TBX6: variants seen among roughly 807,000 people sequenced by gnomAD.
The protein encoded by TBX6 is T-box transcription factor TBX6.
Under a neutral mutation model 42.3 loss-of-function variants are expected in TBX6, and 29 were observed. That is an observed-to-expected ratio of 0.69 (90% confidence interval 0.51 to 0.93). The LOEUF (loss-of-function observed/expected upper bound fraction) is 0.93. Ranked by LOEUF, TBX6 falls within the 40% of genes least tolerant of loss-of-function variation. TBX6 has a pLI of 0.00. For missense variants in TBX6, 569 were observed against 603.3 expected (o/e 0.94, Z 0.59); for synonymous variants, 249 against 245.1 (o/e 1.02, Z -0.15).
Position 30,086,758 on chromosome 16 carries a change from G to GC in TBX6, c.913+19dup. The stretch of plus-strand genomic sequence containing the variant: ...TCCCTGTCTCAGGCCTGGCCCCATC[G>GC]CCATCGGGACTACACTCACCTCCGC... On this transcript the variant is annotated intron_variant, in intron 7 of 8. Transcript: ENST00000395224. This position sits in a 1 kb window ranked among gnomAD's most constrained non-coding sequence, Gnocchi z 4.6. 2 of 1,613,714 alleles carry GC rather than the reference G, an allele frequency of 1.2e-6. No homozygotes were observed. Among genetic ancestry groups the GC allele is most frequent in the African/African-American group, 2.7e-5 (2 of 74,968 alleles).
rs764981636 is a variant in TBX6 at position 30,088,986 on chromosome 16, T to C, written c.578A>G (p.His193Arg). 3.1e-6 allele frequency: 5 copies of C among 1,613,160 alleles called. No homozygotes were observed. Among genetic ancestry groups the C allele is most frequent in the Non-Finnish European group, 4.2e-6 (5 of 1,179,436 alleles). ...CGTGCTGTTGGTGAGCTTGACACGA[T>C]GGAAAGACACAGGCTGCCGCATCCA... ...AHWMRQPVSF[H>R]RVKLTNSTLD... Residue 193 changes from histidine to arginine, a missense_variant, in exon 4 of 9, where the codon CAT (histidine) becomes CGT (arginine). Coordinates refer to ENST00000395224, the MANE Select transcript of TBX6 (RefSeq NM_004608.4). The surrounding 1 kb of genome is among the most constrained non-coding windows in gnomAD (Gnocchi z 4.1).
rs1316583695 is a variant in TBX6 at position 30,086,096 on chromosome 16, G to C, written c.*129C>G. 2.3e-6 allele frequency: 2 copies of C among 859,630 alleles called. No individual in the cohort carries two copies. The highest frequency in any genetic ancestry group is 1.8e-6 in the Non-Finnish European group (1 of 556,518). 53.3% of individuals were successfully genotyped at this position (859,630 alleles called of 1,614,324 possible). On this transcript the variant is annotated 3_prime_UTR_variant, in exon 9 of 9. Transcript: ENST00000395224. The surrounding 1 kb of genome is among the most constrained non-coding windows in gnomAD (Gnocchi z 4.6). ...GAGTGAAATCAAGGTGTGAAGTTGA[G>C]GGGGTGGGTGGGCAGGCCCAAGGCG...
In TBX6 at chr16:30,091,084, C is replaced by A. The variant is rs1019265878; in HGVS notation, c.110G>T (p.Arg37Leu). 1.3e-6 allele frequency: 2 copies of A among 1,583,716 alleles called. No individual in the cohort carries two copies. The highest frequency in any genetic ancestry group is 1.7e-6 in the Non-Finnish European group (2 of 1,165,460). The change falls in exon 2 of 9, where the codon CGC becomes CTC. Residue 37 changes from arginine (R) to leucine (L), a missense_variant. Around this residue, in one of 3 missense-constraint regions of TBX6, gnomAD observed 134 missense variants for 125.3 expected, o/e 1.07. Coordinates refer to ENST00000395224, the MANE Select transcript of TBX6 (RefSeq NM_004608.4). ...SFPPALAEGYRYPELDTPKLD... is the reference protein window; with the variant it reads ...SFPPALAEGYLYPELDTPKLD... The stretch of plus-strand genomic sequence containing the variant: ...CTGGTCCCAACGCTCACCGGGGTAG[C>A]GGTAGCCCTCCGCTAGGGCGGGTGG...
chr16:30,089,307 C>T, intron 3 of TBX6, 97 bp from the exon 4 acceptor site: 5 of 1,473,370 alleles, frequency 3.4e-6, no homozygotes, highest in Non-Finnish European at 4.6e-6. Flanking sequence ...CTCCCCAGAG[C>T]TGTCAGAGAA....
rs763470133 is a variant in TBX6, at chr16:30,086,395, G to T, written c.1141C>A (p.Pro381Thr). 4 of 1,559,870 alleles carry T rather than the reference G, an allele frequency of 2.6e-6. No homozygotes were observed. In the South Asian group the frequency reaches 4.7e-5, roughly 19 times the overall value. Reference sequence around the variant, plus strand: ...AGCTCCAGAAATGCAGCCGAGTAGGGGGCTGAGCGCCCGGAGTCTGGAGCC... The same window carrying T: ...AGCTCCAGAAATGCAGCCGAGTAGGTGGCTGAGCGCCCGGAGTCTGGAGCC... ...PEAPDSGRSA[P>T]YSAAFLELPH... The change falls in exon 9 of 9, where the codon CCC (proline) becomes ACC (threonine). Residue 381 changes from proline to threonine, a missense_variant. By Grantham distance (38) the Pro-to-Thr change is conservative. This residue lies in a region of TBX6 where 245 missense variants were observed against 227.4 expected (regional missense o/e 1.08). Transcript: ENST00000395224. This position sits in a 1 kb window ranked among gnomAD's most constrained non-coding sequence, Gnocchi z 4.6.
At position 30,088,690 on chromosome 16, in the gene TBX6, C is replaced by T. The variant is rs1166786532; in HGVS notation, c.768+3G>A. 1.2e-6 allele frequency: 2 copies of T among 1,614,128 alleles called. No individual in the cohort carries two copies. Among genetic ancestry groups the T allele is most frequent in the Admixed American group, 1.7e-5 (1 of 60,016 alleles). Reference sequence around the variant, plus strand: ...CACCACCCCCTCAAGCAGGGTCACTCACCTGTGGGTTCTGGTAGGCTGTCA... The same window carrying T: ...CACCACCCCCTCAAGCAGGGTCACTTACCTGTGGGTTCTGGTAGGCTGTCA... On this transcript the variant is annotated splice_donor_region_variant and intron_variant, in intron 5 of 8. Coordinates refer to ENST00000395224, the MANE Select transcript of TBX6 (RefSeq NM_004608.4). This position sits in a 1 kb window ranked among gnomAD's most constrained non-coding sequence, Gnocchi z 4.1.
intron 6 of TBX6, among the ~76,000 whole-genome samples, chr16:30,087,510 C>T (rs2072654492): frequency 6.6e-6 from 1 of 152,118 alleles, no homozygotes; most frequent in Non-Finnish European, 1.5e-5. Flanking sequence ...TGGAGTGACT[C>T]CTTGGTTCAT....
In TBX6 at chr16:30,086,147, G is replaced by T; in HGVS notation, c.*78C>A. The T allele has an allele frequency of 6.7e-7, 1 of 1,501,270 alleles. No individual in the cohort carries two copies. The allele number at this position is 1,501,270 out of a possible 1,614,324, so 93.0% of individuals were successfully genotyped here. A position where few individuals can be genotyped will look rare whatever the true frequency, so the allele number is the denominator to read the frequency against. ...GCCATTTGGTGTGGGGGATGGGGCC[G>T]GTGGAGGTGAGGGGGCTCCAGGGCT... On this transcript the variant is annotated 3_prime_UTR_variant, in exon 9 of 9. Transcript: ENST00000395224. The surrounding 1 kb of genome is among the most constrained non-coding windows in gnomAD (Gnocchi z 4.6).
At chr16:30,087,404 C>T (rs1333968804) in intron 6 of TBX6, among the ~76,000 whole-genome samples, 1 of 152,132 alleles carries the variant, frequency 6.6e-6, no homozygotes, top group Non-Finnish European at 1.5e-5. Flanking sequence ...CCTTGCCTCA[C>T]TGCAAGCGCA....
In TBX6 at chr16:30,090,917, G is replaced by A. The variant is rs370585726; in HGVS notation, c.194C>T (p.Pro65Leu). The A allele has an allele frequency of 7.4e-6, 12 of 1,612,810 alleles. No individual in the cohort carries two copies. The African/African-American group carries it at 1.2e-4, about 16-fold the overall frequency. The change falls in exon 3 of 9, where the codon CCT becomes CTT. Residue 65 changes from proline to leucine, a missense_variant. Coordinates refer to ENST00000395224, the MANE Select transcript of TBX6 (RefSeq NM_004608.4). The part of the protein sequence containing the change: ...AAPRTLAAHP[P>L]LPLLPPAMGT... ...CATGGCAGGGGGCAGAAGGGGCAGAGGTGGGTGCGCGGCCAGGGTGCGGGG... is the reference window on the plus strand; with the variant it reads ...CATGGCAGGGGGCAGAAGGGGCAGAAGTGGGTGCGCGGCCAGGGTGCGGGG...
At position 30,090,889 on chromosome 16, in the gene TBX6, G is replaced by A. The variant is rs372237814; in HGVS notation, c.222C>T (p.Gly74=). The change falls in exon 3 of 9, where the codon GGC becomes GGT. Residue 74 remains glycine, a synonymous_variant. Coordinates refer to ENST00000395224, the MANE Select transcript of TBX6 (RefSeq NM_004608.4). ...CTGGAGCTGATGGGGCCGGCTCAGT[G>A]CCCATGGCAGGGGGCAGAAGGGGCA... The part of the protein sequence containing the change: ...PPLPLLPPAM[G]TEPAPSAPEA... 3 of 1,610,904 alleles carry A rather than the reference G, an allele frequency of 1.9e-6. No homozygotes were observed. Among genetic ancestry groups the A allele is most frequent in the African/African-American group, 1.3e-5 (1 of 75,012 alleles).
Position 30,090,771 on chromosome 16 carries a change from T to G in TBX6, c.340A>C (p.Thr114Pro). Residue 114 changes from threonine (T) to proline (P), a missense_variant, in exon 3 of 9, where the codon ACC becomes CCC. Physicochemically the swap from Thr to Pro is conservative, Grantham distance 38. Transcript: ENST00000395224. The part of the protein sequence containing the change: ...FSSVGTEMII[T>P]KAGRRMFPAC... ...CCAGCCCCTCACCTCCCAGCTTTGG[T>G]GATGATCATTTCTGTTCCCACAGAG... is the stretch of plus-strand genomic sequence containing the variant. 6.2e-7 allele frequency: 1 copy of G among 1,609,006 alleles called. No homozygotes were observed. The highest frequency in any genetic ancestry group is 8.5e-7 in the Non-Finnish European group (1 of 1,177,720).
rs1470166028 is a variant in TBX6, at chr16:30,086,177, G to A, written c.*48C>T. 1.3e-6 allele frequency: 2 copies of A among 1,589,928 alleles called. No homozygotes were observed. The highest frequency in any genetic ancestry group is 1.1e-5 in the South Asian group (1 of 88,816). On this transcript the variant is annotated 3_prime_UTR_variant, in exon 9 of 9. Coordinates refer to ENST00000395224, the MANE Select transcript of TBX6 (RefSeq NM_004608.4). This position sits in a 1 kb window ranked among gnomAD's most constrained non-coding sequence, Gnocchi z 4.6. The stretch of plus-strand genomic sequence containing the variant: ...AGGTGAGGGGGCTCCAGGGCTGGGG[G>A]AAGGGAGCGGGAGGTTTGTGATGGA...
Position 30,086,974 on chromosome 16 carries a change from A to G in TBX6, c.840-123T>C, listed in dbSNP as rs908921303. ...CCTGTCAGGTAGGGGCCATCATTAT[A>G]CCCATTTTATAGATGAAGAAACTGA... On this transcript the variant is annotated intron_variant, in intron 6 of 8. Transcript: ENST00000395224. This position sits in a 1 kb window ranked among gnomAD's most constrained non-coding sequence, Gnocchi z 4.6. 5 of 1,092,780 alleles carry G rather than the reference A, an allele frequency of 4.6e-6. No homozygotes were observed. Among genetic ancestry groups the G allele is most frequent in the African/African-American group, 3.2e-5 (2 of 62,964 alleles). 67.7% of individuals were successfully genotyped at this position (1,092,780 alleles called of 1,614,324 possible). A position where few individuals can be genotyped will look rare whatever the true frequency, so the allele number is the denominator to read the frequency against.
In TBX6 at chr16:30,086,165, C is replaced by T. The variant is rs1171384944; in HGVS notation, c.*60G>A. ...TGGGGCCGGTGGAGGTGAGGGGGCT[C>T]CAGGGCTGGGGGAAGGGAGCGGGAG... is the stretch of plus-strand genomic sequence containing the variant. On this transcript the variant is annotated 3_prime_UTR_variant, in exon 9 of 9. Coordinates refer to ENST00000395224, the MANE Select transcript of TBX6 (RefSeq NM_004608.4). The surrounding 1 kb of genome is among the most constrained non-coding windows in gnomAD (Gnocchi z 4.6). 53 of 1,573,364 alleles carry T rather than the reference C, an allele frequency of 3.4e-5. No individual in the cohort carries two copies. The highest frequency in any genetic ancestry group is 4.6e-5 in the Non-Finnish European group (53 of 1,161,086).
chr16:30,086,110 AGGCCCAAGGC>A lies in TBX6; in HGVS notation c.*105_*114del. ...TGTGAAGTTGAGGGGGTGGGTGGGCAGGCCCAAGGCGGCCATTTGGTGTGGGGGATGGGGC... is the reference window on the plus strand; with the variant it reads ...TGTGAAGTTGAGGGGGTGGGTGGGCAGGCCATTTGGTGTGGGGGATGGGGC... On this transcript the variant is annotated 3_prime_UTR_variant, in exon 9 of 9. Coordinates refer to ENST00000395224, the MANE Select transcript of TBX6 (RefSeq NM_004608.4). This position sits in a 1 kb window ranked among gnomAD's most constrained non-coding sequence, Gnocchi z 4.6. 1 of 934,990 alleles carries A rather than the reference AGGCCCAAGGC, an allele frequency of 1.1e-6. No homozygotes were observed. Among genetic ancestry groups the A allele is most frequent in the Non-Finnish European group, 1.5e-6 (1 of 676,230 alleles). 57.9% of individuals were successfully genotyped at this position (934,990 alleles called of 1,614,324 possible). A position where few individuals can be genotyped will look rare whatever the true frequency, so the allele number is the denominator to read the frequency against.
At position 30,086,875 on chromosome 16, in the gene TBX6, TG is replaced by T; in HGVS notation, c.840-25del. ...CCCTGGGGAACAGTGGTGGTGATGATGATGATGATGGTGATGGCCATGGTGA... is the reference window on the plus strand; with the variant it reads ...CCCTGGGGAACAGTGGTGGTGATGATATGATGATGGTGATGGCCATGGTGA... On this transcript the variant is annotated intron_variant, in intron 6 of 8. Transcript: ENST00000395224. The surrounding 1 kb of genome is among the most constrained non-coding windows in gnomAD (Gnocchi z 4.6). 1 of 1,604,352 alleles carries T rather than the reference TG, an allele frequency of 6.2e-7. No individual in the cohort carries two copies.
rs201231713 is a variant in TBX6 at position 30,088,569 on chromosome 16, C to T, written c.815G>A (p.Arg272Gln). Residue 272 changes from arginine to glutamine, a missense_variant, in exon 6 of 9, where the codon CGG becomes CAG. Physicochemically the swap from Arg to Gln is conservative, Grantham distance 43. Around this residue, in one of 3 missense-constraint regions of TBX6, gnomAD observed 190 missense variants for 250.6 expected, o/e 0.76. Coordinates refer to ENST00000395224, the MANE Select transcript of TBX6 (RefSeq NM_004608.4). The surrounding 1 kb of genome is among the most constrained non-coding windows in gnomAD (Gnocchi z 4.1). ...CCTCTTACAGTTTCTGCCGTTCTCC[C>T]GGAAGCCTTTGGCAAAGGGATTGGC... ...IAANPFAKGF[R>Q]ENGRNCKRER... 1,522 of 1,614,206 alleles carry T rather than the reference C, an allele frequency of 9.4e-4. 2 individuals carry two copies. The highest frequency in any genetic ancestry group is 9.7e-4 in the Non-Finnish European group (1,140 of 1,180,054).
intron 6 of TBX6, chr16:30,087,843 C>G (rs912340080): frequency 6.6e-6 from 1 of 152,202 alleles, no homozygotes; most frequent in Non-Finnish European, 1.5e-5. Context: ...AATACCTCAC[C>G]CCAGTCCTTC....
Sources: gnomAD v4.1 joint callset for allele counts (sites outside exome capture counted in the v4.1 genomes callset) on GRCh38, gnomAD v4.1.1 for gene constraint, gnomAD v4.1.1 regional missense constraint, Gnocchi (gnomAD v3.1) non-coding constraint, MANE v1.5 for transcripts, NCBI Gene and HGNC (gene_info 2026-07-23, HGNC 2026-07-21) for gene names.